Variants in PDE11A observed in about 807,000 individuals in gnomAD.
PDE11A encodes phosphodiesterase 11A, also known as dual 3',5'-cyclic-AMP and -GMP phosphodiesterase 11A.
Under a neutral mutation model 100.5 loss-of-function variants are expected in PDE11A, and 100 were observed. The observed-to-expected ratio is 1.00, with a 90% CI of 0.85 to 1.18. PDE11A has a LOEUF of 1.18. Ranked by LOEUF, PDE11A falls within the 50% of genes most tolerant of loss-of-function variation. PDE11A has a pLI of 0.00. For missense variants in PDE11A, 1,141 were observed against 1,152.6 expected, an observed-to-expected ratio of 0.99 and a Z score of 0.15; for synonymous variants, 381 against 420.8, an observed-to-expected ratio of 0.91 and a Z score of 1.16.
chr2:177,936,669 C>T (rs1264604523), intron 2 of PDE11A, among the ~76,000 whole-genome samples: 1 of 152,098 alleles, frequency 6.6e-6, no homozygotes, highest in Non-Finnish European at 1.5e-5. Context: ...GCCTGTAATC[C>T]CAGCACTTTG....
At chr2:177,726,995 C>A (rs1297439775) in intron 12 of PDE11A, among the ~76,000 whole-genome samples, 2 of 151,998 alleles carry the variant, frequency 1.3e-5, no homozygotes, top group Admixed American at 1.3e-4. Flanking sequence ...TATTTCTTGC[C>A]AGAAGAAGTA....
intron 9 of PDE11A, among the ~76,000 whole-genome samples, chr2:177,790,077 C>A (rs542929756): frequency 6.6e-6 from 1 of 152,164 alleles, no homozygotes; most frequent in Non-Finnish European, 1.5e-5. Context: ...GCCCGCATCA[C>A]CAAGTCAGTC....
intron 1 of PDE11A, among the ~76,000 whole-genome samples, chr2:178,107,721 C>CT (rs1159976078): frequency 0.049 from 6,075 of 123,044 alleles, 250 homozygotes; most frequent in South Asian, 0.1. Flanking sequence ...CTTTTTTTTT[C>CT]TTTTTTTTTT....
rs1448405724 is a variant in PDE11A, at chr2:177,816,758, A to G, written c.1737+71T>C. 6 of 866,164 alleles carry G rather than the reference A, an allele frequency of 6.9e-6. No homozygotes were observed. The Admixed American group carries it at 1.0e-4, about 15-fold the overall frequency. 53.7% of individuals were successfully genotyped at this position (866,164 alleles called of 1,614,324 possible). ...AAAATTTGAGAAATTAAGCCCCATA[A>G]CCAGGGAAATTTTTTCCCTCATAAA... is the stretch of plus-strand genomic sequence containing the variant. On this transcript the variant is annotated intron_variant, in intron 9 of 19. Transcript: ENST00000286063.
intron 19 of PDE11A, among the ~76,000 whole-genome samples, chr2:177,646,115 G>A (rs1208278479): frequency 2.0e-5 from 3 of 152,144 alleles, no homozygotes; most frequent in African/African-American, 7.2e-5. Context: ...TAACTGCATT[G>A]TTATTTCCAT....
intron 19 of PDE11A, among the ~76,000 whole-genome samples, chr2:177,656,843 G>T (rs2080393308): frequency 1.3e-5 from 2 of 152,222 alleles, no homozygotes; most frequent in South Asian, 4.1e-4. Flanking sequence ...GCAGAGGCCA[G>T]GGAAGATGGA....
chr2:177,636,439 G>T (rs2080039703), intron 19 of PDE11A, among the ~76,000 whole-genome samples: 1 of 152,150 alleles, frequency 6.6e-6, no homozygotes, highest in South Asian at 2.1e-4. Context: ...ACCAGTTACA[G>T]GTGTTTTCAG....
chr2:177,950,506 G>A (rs186598453), intron 2 of PDE11A, among the ~76,000 whole-genome samples: 1 of 152,120 alleles, frequency 6.6e-6, no homozygotes, highest in Non-Finnish European at 1.5e-5. Flanking sequence ...GCATGACCAG[G>A]CTATTATCCT....
At chr2:178,014,563 GC>G in intron 1 of PDE11A, 103 bp from the exon 2 acceptor site, 1 of 861,218 alleles carries the variant, frequency 1.2e-6, no homozygotes, top group South Asian at 1.4e-5. Context: ...CTGGGAACTA[GC>G]CCCATGAATT....
chr2:177,733,130 A>G (rs2081718694), intron 10 of PDE11A, among the ~76,000 whole-genome samples: 1 of 152,236 alleles, frequency 6.6e-6, no homozygotes, highest in African/African-American at 2.4e-5. Flanking sequence ...TAGCCATAGG[A>G]TATTAACAAA....
At chr2:177,887,247 C>T (rs1008528342) in intron 4 of PDE11A, among the ~76,000 whole-genome samples, 6 of 152,152 alleles carry the variant, frequency 3.9e-5, no homozygotes, top group Non-Finnish European at 5.9e-5. Context: ...AATTCAAAAA[C>T]ACATAATTAA....
chr2:177,772,854 T>C (rs1379096721), intron 9 of PDE11A, among the ~76,000 whole-genome samples: 2 of 152,246 alleles, frequency 1.3e-5, no homozygotes, highest in Admixed American at 6.5e-5. Flanking sequence ...AGGAGTTCTT[T>C]GTATATTTTG....
intron 4 of PDE11A, among the ~76,000 whole-genome samples, chr2:177,897,571 G>A (rs769706143): frequency 2.6e-5 from 4 of 152,210 alleles, no homozygotes; most frequent in South Asian, 2.1e-4. Flanking sequence ...CATTCTGCTC[G>A]AGTCCAGTTT....
chr2:177,719,245 T>C (rs1328486914), intron 12 of PDE11A, among the ~76,000 whole-genome samples: 8 of 152,330 alleles, frequency 5.3e-5, no homozygotes, highest in African/African-American at 1.7e-4. Context: ...TATTGAATGA[T>C]AAGGGATTTC....
intron 2 of PDE11A, among the ~76,000 whole-genome samples, chr2:178,002,076 C>T (rs1282223693): frequency 1.3e-5 from 2 of 152,100 alleles, no homozygotes; most frequent in African/African-American, 4.8e-5. Context: ...CCCTCCCTTC[C>T]CCCTCTAGTA....
intron 1 of PDE11A, among the ~76,000 whole-genome samples, chr2:178,027,536 T>G (rs1165886773): frequency 6.6e-6 from 1 of 152,172 alleles, no homozygotes; most frequent in African/African-American, 2.4e-5. Flanking sequence ...CATAAATAAT[T>G]TATCTCTATG....
chr2:178,030,751 G>C (rs2086535683), intron 1 of PDE11A, among the ~76,000 whole-genome samples: 1 of 152,120 alleles, frequency 6.6e-6, no homozygotes, highest in African/African-American at 2.4e-5. Flanking sequence ...GGTGGCATGT[G>C]CCTGTAGTCC....
intron 5 of PDE11A, among the ~76,000 whole-genome samples, chr2:177,840,842 G>A (rs992678464): frequency 1.3e-5 from 2 of 152,184 alleles, no homozygotes; most frequent in African/African-American, 4.8e-5. Flanking sequence ...GCAAAAGAAT[G>A]TATCTAGACT....
At chr2:177,852,342 A>G (rs527699992) in intron 5 of PDE11A, among the ~76,000 whole-genome samples, 1 of 152,220 alleles carries the variant, frequency 6.6e-6, no homozygotes, top group East Asian at 1.9e-4. Flanking sequence ...AGGAACTCAA[A>G]TAACTATTTG....
Sources: allele counts gnomAD v4.1 joint callset (sites outside exome capture counted in the v4.1 genomes callset), GRCh38; gene constraint gnomAD v4.1.1; transcripts MANE v1.5; gene names NCBI Gene and HGNC (gene_info 2026-07-23, HGNC 2026-07-21).